Variants in SHISA9 observed in about 807,000 individuals in gnomAD.
SHISA9 encodes protein shisa-9.
In SHISA9, 13 loss-of-function variants were observed where a neutral mutation model predicts 38.0. The observed-to-expected ratio is 0.34, with a 90% CI of 0.22 to 0.54. The LOEUF is 0.54. Among genes scored for constraint, SHISA9 ranks in the 20% least tolerant of loss-of-function variants. The pLI, the probability that SHISA9 is intolerant of heterozygous loss-of-function variation, is 0.91. For synonymous variants in SHISA9, 275 were observed against 242.0 expected, an observed-to-expected ratio of 1.14 and a Z score of -1.27; for missense variants, 538 against 575.8, an observed-to-expected ratio of 0.93 and a Z score of 0.67.
intron 2 of SHISA9, among the ~76,000 whole-genome samples, chr16:13,052,420 AC>A (rs1567196109): frequency 1.3e-5 from 2 of 152,224 alleles, no homozygotes; most frequent in East Asian, 3.9e-4. Flanking sequence ...CAAGAAGCCC[AC>A]TGTCTTGTGA....
At chr16:13,419,510 G>C in the SHISA9 span, among the ~76,000 whole-genome samples, 1 of 152,174 alleles carries the variant, frequency 6.6e-6, no homozygotes, top group Non-Finnish European at 1.5e-5. Flanking sequence ...TTAAACCTTA[G>C]CCTTTGTTAG....
intron 2 of SHISA9, among the ~76,000 whole-genome samples, chr16:13,086,572 A>G (rs1248643507): frequency 1.3e-5 from 2 of 152,084 alleles, no homozygotes; most frequent in East Asian, 1.9e-4. Context: ...CTTCAGTTGT[A>G]TAGGTGAGAG....
chr16:13,256,592 A>C, the SHISA9 span, among the ~76,000 whole-genome samples: 2 of 152,174 alleles, frequency 1.3e-5, no homozygotes, highest in Non-Finnish European at 2.9e-5. Flanking sequence ...ATATTGTTTG[A>C]TAATCAGGTG....
chr16:13,039,906 C>T (rs2073115013), intron 2 of SHISA9, among the ~76,000 whole-genome samples: 1 of 152,150 alleles, frequency 6.6e-6, no homozygotes, highest in Non-Finnish European at 1.5e-5. Flanking sequence ...GGATGATAAG[C>T]CATTCTTCAT....
intron 2 of SHISA9, among the ~76,000 whole-genome samples, chr16:13,119,076 TA>T (rs2074060128): frequency 6.6e-6 from 1 of 151,238 alleles, no homozygotes; most frequent in Non-Finnish European, 1.5e-5. Context: ...CCTTGTTGGC[TA>T]GGCTGATCTT....
intron 2 of SHISA9, among the ~76,000 whole-genome samples, chr16:12,937,530 G>T (rs1352108730): frequency 2.0e-5 from 3 of 152,220 alleles, no homozygotes; most frequent in Admixed American, 2.0e-4. Context: ...TAAACAACAG[G>T]AATTTATTTT....
chr16:12,903,370 C>T (rs1345676064), intron 1 of SHISA9, among the ~76,000 whole-genome samples: 3 of 152,224 alleles, frequency 2.0e-5, no homozygotes, highest in Non-Finnish European at 2.9e-5. Context: ...CGAGCCCCCT[C>T]CTCGCGCGCC....
At chr16:12,927,763 C>G (rs1002857936) in intron 2 of SHISA9, among the ~76,000 whole-genome samples, 1 of 151,942 alleles carries the variant, frequency 6.6e-6, no homozygotes, top group African/African-American at 2.4e-5. Context: ...TGGGCTCCCA[C>G]CCCCCATAGA....
At chr16:13,178,624 A>G (rs2050752256) in intron 2 of SHISA9, among the ~76,000 whole-genome samples, 1 of 152,124 alleles carries the variant, frequency 6.6e-6, no homozygotes, top group African/African-American at 2.4e-5. Context: ...AGCAACACAG[A>G]CAACTTCCCA....
the SHISA9 span, among the ~76,000 whole-genome samples, chr16:13,313,880 A>C: frequency 6.6e-6 from 1 of 152,180 alleles, no homozygotes; most frequent in African/African-American, 2.4e-5. Context: ...GCAGAATTGC[A>C]TTACTTTTAT....
chr16:13,432,696 A>T, the SHISA9 span, among the ~76,000 whole-genome samples: 2 of 152,182 alleles, frequency 1.3e-5, no homozygotes. Context: ...TTATAATATA[A>T]TTTTGGTATC....
chr16:13,222,598 G>T lies in SHISA9; in HGVS notation c.895+9298G>T, dbSNP rs192087756. On this transcript the variant is annotated intron_variant, in intron 4 of 4. Transcript: ENST00000558583. ...AGGCTGGTAAATCTAGTTCTGAGTT[G>T]AGTGACCATGTGTCCAAGAAAAAGA... is the stretch of plus-strand genomic sequence containing the variant. 2.0e-3 allele frequency among the ~76,000 whole-genome samples: 310 copies of T among 152,242 alleles called. 1 individual carries two copies. Among genetic ancestry groups the T allele is most frequent in the African/African-American group, 7.2e-3 (301 of 41,544 alleles).
the SHISA9 span, among the ~76,000 whole-genome samples, chr16:13,288,028 G>A: frequency 2.6e-5 from 4 of 152,100 alleles, no homozygotes. Flanking sequence ...ACTTCTGAGG[G>A]AACTATTCCA....
At chr16:13,302,522 A>G in the SHISA9 span, among the ~76,000 whole-genome samples, 2 of 152,244 alleles carry the variant, frequency 1.3e-5, no homozygotes, top group South Asian at 4.1e-4. Flanking sequence ...TCTGCATGAT[A>G]TGACTATGGG....
At chr16:13,306,075 T>G in the SHISA9 span, among the ~76,000 whole-genome samples, 1 of 152,274 alleles carries the variant, frequency 6.6e-6, no homozygotes, top group Non-Finnish European at 1.5e-5. Flanking sequence ...TCAACATTAA[T>G]GAAGGATTCC....
At chr16:12,934,806 A>G (rs1252757557) in intron 2 of SHISA9, among the ~76,000 whole-genome samples, 1 of 152,158 alleles carries the variant, frequency 6.6e-6, no homozygotes, top group Non-Finnish European at 1.5e-5. Flanking sequence ...GGCTTAGGGT[A>G]AATAGTTTGT....
At chr16:13,083,182 T>C (rs1488170565) in intron 2 of SHISA9, among the ~76,000 whole-genome samples, 1 of 152,136 alleles carries the variant, frequency 6.6e-6, no homozygotes, top group East Asian at 1.9e-4. Flanking sequence ...TATTTCTCCT[T>C]CTCTGTTTCT....
chr16:12,912,091 C>G (rs547155057), intron 1 of SHISA9, among the ~76,000 whole-genome samples: 2 of 152,300 alleles, frequency 1.3e-5, no homozygotes, highest in Admixed American at 6.5e-5. Context: ...CATGGGCCTT[C>G]TGGGAGTGGG....
intron 2 of SHISA9, among the ~76,000 whole-genome samples, chr16:12,941,393 T>C (rs2071609438): frequency 6.6e-6 from 1 of 152,174 alleles, no homozygotes; most frequent in South Asian, 2.1e-4. Context: ...TTTTGATACA[T>C]AATAGTTGCA....
Sources: allele counts gnomAD v4.1 joint callset (sites outside exome capture counted in the v4.1 genomes callset), GRCh38; gene constraint gnomAD v4.1.1; transcripts MANE v1.5; gene names NCBI Gene and HGNC (gene_info 2026-07-23, HGNC 2026-07-21).